BMP6: variants seen among roughly 807,000 people sequenced by gnomAD.
BMP6 encodes the protein bone morphogenetic protein 6, also known as VG-1-R.
A neutral mutation model predicts 54.1 loss-of-function variants in BMP6; 17 were observed. That is an observed-to-expected ratio of 0.31 (90% CI 0.22 to 0.47). BMP6 has a LOEUF of 0.47. Ranked by LOEUF, BMP6 falls within the 20% of genes least tolerant of loss-of-function variation. BMP6 has a pLI of 1.00. For synonymous variants in BMP6, 328 were observed against 291.2 expected (o/e 1.13, Z -1.28); for missense variants, 720 against 690.4 (o/e 1.04, Z -0.48).
chr6:7,861,626 C>T lies in BMP6; in HGVS notation c.1006+27C>T, dbSNP rs377070350. 4.9e-5 allele frequency: 79 copies of T among 1,612,534 alleles called. 2 individuals carry two copies. Among genetic ancestry groups the T allele is most frequent in the Admixed American group, 3.3e-4 (20 of 59,958 alleles). ...TAAGTTATTATCCGCAAGCCTCCAA[C>T]GTCCAGCAAGTCATCAGTTTCACAC... On this transcript the variant is annotated intron_variant, in intron 3 of 6. Transcript: ENST00000283147.
intron 1 of BMP6, among the ~76,000 whole-genome samples, chr6:7,801,727 G>C (rs1288851205): frequency 1.3e-5 from 2 of 152,230 alleles, no homozygotes. Context: ...GCAGAATGCA[G>C]CATGAACACA....
intron 1 of BMP6, among the ~76,000 whole-genome samples, chr6:7,831,159 G>A (rs1388753563): frequency 1.3e-5 from 2 of 152,150 alleles, no homozygotes; most frequent in Admixed American, 6.5e-5. Flanking sequence ...CTACAACATG[G>A]ATGCACCTTG....
chr6:7,829,638 C>T (rs1036863868), intron 1 of BMP6, among the ~76,000 whole-genome samples: 1 of 152,122 alleles, frequency 6.6e-6, no homozygotes, highest in Non-Finnish European at 1.5e-5. Context: ...CCCAGGAGGT[C>T]GAGGCTGCAG....
chr6:7,799,768 G>A (rs1758242608), intron 1 of BMP6, among the ~76,000 whole-genome samples: 1 of 151,302 alleles, frequency 6.6e-6, no homozygotes, highest in Admixed American at 6.6e-5. Context: ...TAATGTCTCT[G>A]GTGCTTAAAA....
In BMP6 at chr6:7,807,514, A is replaced by AG. The variant is rs1758365079; in HGVS notation, c.665-37625dup. On this transcript the variant is annotated intron_variant, in intron 1 of 6. Transcript: ENST00000283147. ...CAGACTGGTCTCGAACTCCTGACCT[A>AG]GTGATCCGCCCACCTTGGCCTCCCA... Among the ~76,000 whole-genome samples, 5 of 151,830 alleles carry AG rather than the reference A, an allele frequency of 3.3e-5. No individual in the cohort carries two copies. The South Asian group carries it at 6.2e-4, about 19-fold the overall frequency.
In BMP6 at chr6:7,780,549, C is replaced by T; in HGVS notation, c.664+52930C>T. 2.3e-5 allele frequency among the ~76,000 whole-genome samples: 3 copies of T among 128,344 alleles called. No homozygotes were observed. The Admixed American group carries it at 2.3e-4, about 10-fold the overall frequency. The allele number at this position is 128,344 out of a possible 152,430, so 84.2% of individuals were successfully genotyped here. A position where few individuals can be genotyped will look rare whatever the true frequency, so the allele number is the denominator to read the frequency against. ...GGACAACAAGAGTGAAATTCCATCG[C>T]AAAAAAAAAAAGCAAGGGAGACTCT... On this transcript the variant is annotated intron_variant, in intron 1 of 6. Transcript: ENST00000283147.
intron 1 of BMP6, among the ~76,000 whole-genome samples, chr6:7,760,623 A>G (rs1463264474): frequency 2.0e-5 from 3 of 152,022 alleles, no homozygotes; most frequent in Non-Finnish European, 4.4e-5. Flanking sequence ...GCCTGCCACC[A>G]CACCCAGCTA....
chr6:7,791,034 C>T (rs1328289867), intron 1 of BMP6, among the ~76,000 whole-genome samples: 1 of 152,070 alleles, frequency 6.6e-6, no homozygotes. Flanking sequence ...GTGTTCTCTC[C>T]CCTCTCCTCC....
chr6:7,817,922 A>G (rs1758554978), intron 1 of BMP6, among the ~76,000 whole-genome samples: 1 of 152,216 alleles, frequency 6.6e-6, no homozygotes, highest in Admixed American at 6.5e-5. Flanking sequence ...AGGTTTGTGG[A>G]TGGCAAGCCA....
chr6:7,841,369 T>C lies in BMP6; in HGVS notation c.665-3771T>C, dbSNP rs1355621585. On this transcript the variant is annotated intron_variant, in intron 1 of 6. Coordinates refer to ENST00000283147, the MANE Select transcript of BMP6 (RefSeq NM_001718.6). ...CCTCTCCCTTTCTCTCCCATTCATA[T>C]TTCTTGAACTGTCTGGCATTTGAGG... Among the ~76,000 whole-genome samples the C allele has an allele frequency of 2.0e-5, 3 of 152,200 alleles. No homozygotes were observed. In the East Asian group the frequency reaches 5.8e-4, roughly 29 times the overall value.
chr6:7,827,448 T>G (rs1758715095), intron 1 of BMP6, among the ~76,000 whole-genome samples: 1 of 151,948 alleles, frequency 6.6e-6, no homozygotes, highest in African/African-American at 2.4e-5. Flanking sequence ...GGAGAGAGAG[T>G]AACTGAGAAA....
intron 4 of BMP6, among the ~76,000 whole-genome samples, chr6:7,872,930 A>C (rs1002822944): frequency 1.3e-5 from 2 of 149,040 alleles, no homozygotes; most frequent in African/African-American, 5.0e-5. Flanking sequence ...CTCCCACCTT[A>C]GCCTCCCAAA....
intron 1 of BMP6, among the ~76,000 whole-genome samples, chr6:7,792,676 A>C (rs1581249835): frequency 6.6e-6 from 1 of 152,366 alleles, no homozygotes. Flanking sequence ...GGTCTGTAGG[A>C]AGCAACATTC....
At chr6:7,813,149 A>ATATATATATG (rs1333428977) in intron 1 of BMP6, among the ~76,000 whole-genome samples, 1 of 107,878 alleles carries the variant, frequency 9.3e-6, no homozygotes, top group Non-Finnish European at 1.8e-5. Flanking sequence ...ATATATATAT[A>ATATATATATG]AAATTAGTGG....
At chr6:7,733,674 C>T (rs1761909776) in intron 1 of BMP6, among the ~76,000 whole-genome samples, 2 of 152,218 alleles carry the variant, frequency 1.3e-5, no homozygotes, top group Admixed American at 1.3e-4. Flanking sequence ...CTGTTTTCAT[C>T]ACGACAGCGG....
At chr6:7,778,708 T>A (rs1757897281) in intron 1 of BMP6, among the ~76,000 whole-genome samples, 1 of 152,208 alleles carries the variant, frequency 6.6e-6, no homozygotes, top group Admixed American at 6.5e-5. Context: ...TTCACTGTTT[T>A]TGCTGGAGTC....
intron 1 of BMP6, among the ~76,000 whole-genome samples, chr6:7,828,019 T>G (rs1488236716): frequency 6.6e-6 from 1 of 152,258 alleles, no homozygotes; most frequent in African/African-American, 2.4e-5. Context: ...AAGGCACTAT[T>G]TTTCCCACTC....
Position 7,861,483 on chromosome 6 carries a change from T to C in BMP6, c.890T>C (p.Val297Ala), listed in dbSNP as rs781452677. 14 of 1,614,076 alleles carry C rather than the reference T, an allele frequency of 8.7e-6. No individual in the cohort carries two copies. The highest frequency in any genetic ancestry group is 8.5e-6 in the Non-Finnish European group (10 of 1,180,036). Residue 297 changes from valine to alanine, a missense_variant, in exon 3 of 7, where the codon GTA (valine) becomes GCA (alanine). By Grantham distance (64) the Val-to-Ala change is moderately conservative. Around this residue, in one of 3 missense-constraint regions of BMP6, gnomAD observed 650 missense variants for 556.3 expected, o/e 1.17. Transcript: ENST00000283147. ...DSDLFLLDTR[V>A]VWASEEGWLE... ...GACCTGTTTTTGTTGGACACCCGTG[T>C]AGTATGGGCCTCAGAAGAAGGCTGG...
intron 1 of BMP6, among the ~76,000 whole-genome samples, chr6:7,794,189 G>C (rs1758157197): frequency 6.6e-6 from 1 of 152,168 alleles, no homozygotes; most frequent in South Asian, 2.1e-4. Context: ...CATGTGTTCT[G>C]TCAAACCTAT....
Sources: gnomAD v4.1 joint callset for allele counts (sites outside exome capture counted in the v4.1 genomes callset) on GRCh38, gnomAD v4.1.1 for gene constraint, gnomAD v4.1.1 regional missense constraint, MANE v1.5 for transcripts, NCBI Gene and HGNC (gene_info 2026-07-23, HGNC 2026-07-21) for gene names.